Variants in SPOCK1 observed in about 807,000 individuals in gnomAD.
The protein encoded by SPOCK1 is testican-1.
Under a neutral mutation model 55.3 loss-of-function variants are expected in SPOCK1, and 23 were observed. The observed-to-expected ratio is 0.42, with a 90% CI of 0.30 to 0.59. The LOEUF is 0.59. Ranked by LOEUF, SPOCK1 falls within the 20% of genes least tolerant of loss-of-function variation. SPOCK1 has a pLI of 0.22. For missense variants in SPOCK1, 499 were observed against 552.5 expected, an observed-to-expected ratio of 0.90 and a Z score of 0.97; for synonymous variants, 226 against 221.0, an observed-to-expected ratio of 1.02 and a Z score of -0.20.
chr5:137,351,051 T>C (rs2127160893), intron 2 of SPOCK1, among the ~76,000 whole-genome samples: 1 of 152,248 alleles, frequency 6.6e-6, no homozygotes, highest in African/African-American at 2.4e-5. Flanking sequence ...TTCGGCAAAT[T>C]CCACATCTGT....
At chr5:137,006,879 C>G (rs1033203933) in intron 6 of SPOCK1, among the ~76,000 whole-genome samples, 4 of 152,056 alleles carry the variant, frequency 2.6e-5, no homozygotes, top group Admixed American at 6.6e-5. Context: ...CCATCAATAC[C>G]TAGTTTATTG....
chr5:137,268,365 C>T (rs1756897011), intron 2 of SPOCK1, among the ~76,000 whole-genome samples: 1 of 152,180 alleles, frequency 6.6e-6, no homozygotes, highest in African/African-American at 2.4e-5. Flanking sequence ...GCCCACTTTG[C>T]TCCAGCTTTA....
At chr5:137,059,983 C>T (rs990714066) in intron 6 of SPOCK1, among the ~76,000 whole-genome samples, 1 of 152,178 alleles carries the variant, frequency 6.6e-6, no homozygotes, top group Admixed American at 6.5e-5. Context: ...AAAGGGAACA[C>T]TTATATACTG....
intron 3 of SPOCK1, among the ~76,000 whole-genome samples, chr5:137,160,035 G>A (rs1362384182): frequency 4.0e-5 from 6 of 151,876 alleles, no homozygotes; most frequent in Non-Finnish European, 5.9e-5. Context: ...CTTTAGTGGG[G>A]ATTTGTGAGA....
chr5:137,140,045 T>C (rs1754063378), intron 4 of SPOCK1, among the ~76,000 whole-genome samples: 1 of 152,126 alleles, frequency 6.6e-6, no homozygotes. Context: ...GGCTGTACCC[T>C]GAGGAAATAG....
At chr5:137,233,540 T>C (rs190498084) in intron 3 of SPOCK1, among the ~76,000 whole-genome samples, 2 of 152,042 alleles carry the variant, frequency 1.3e-5, no homozygotes, top group African/African-American at 4.8e-5. Context: ...CCTCCTGCTG[T>C]GTGACCCTGT....
intron 4 of SPOCK1, among the ~76,000 whole-genome samples, chr5:137,117,255 A>G (rs1459980274): frequency 1.3e-5 from 2 of 152,214 alleles, no homozygotes; most frequent in African/African-American, 2.4e-5. Flanking sequence ...TCAAGTCTAT[A>G]GGACTGGACA....
intron 5 of SPOCK1, among the ~76,000 whole-genome samples, chr5:137,108,971 G>A (rs1373870640): frequency 1.3e-5 from 2 of 152,166 alleles, no homozygotes; most frequent in Admixed American, 1.3e-4. Context: ...TATTTCCCGG[G>A]CAACTGACAG....
chr5:137,449,306 A>G (rs1320073735), intron 2 of SPOCK1, among the ~76,000 whole-genome samples: 1 of 152,260 alleles, frequency 6.6e-6, no homozygotes, highest in Non-Finnish European at 1.5e-5. Flanking sequence ...TACCACCTAC[A>G]CAATAACTTT....
At chr5:137,405,475 C>A (rs1264934962) in intron 2 of SPOCK1, among the ~76,000 whole-genome samples, 2 of 152,154 alleles carry the variant, frequency 1.3e-5, no homozygotes, top group Non-Finnish European at 2.9e-5. Context: ...AAACGAGGGT[C>A]CTCCTGCGGG....
chr5:137,345,954 C>T (rs552275838), intron 2 of SPOCK1, among the ~76,000 whole-genome samples: 19 of 152,320 alleles, frequency 1.2e-4, no homozygotes, highest in African/African-American at 4.3e-4. Flanking sequence ...GCCTCAGACA[C>T]CTGTGTGACA....
At chr5:137,440,588 T>C (rs775528649) in intron 2 of SPOCK1, among the ~76,000 whole-genome samples, 5 of 152,254 alleles carry the variant, frequency 3.3e-5, no homozygotes, top group Non-Finnish European at 5.9e-5. Context: ...TGGGTATAAC[T>C]GTACCTTTGC....
intron 2 of SPOCK1, among the ~76,000 whole-genome samples, chr5:137,450,637 GA>G: frequency 6.6e-6 from 1 of 152,272 alleles, no homozygotes; most frequent in Middle Eastern, 3.4e-3. Flanking sequence ...TCCAGGCCCT[GA>G]AAATTATGTA....
At chr5:137,480,343 A>ACACACT (rs1491303358) in intron 2 of SPOCK1, among the ~76,000 whole-genome samples, 2 of 146,642 alleles carry the variant, frequency 1.4e-5, no homozygotes, top group Admixed American at 6.8e-5. Flanking sequence ...ACACACACAC[A>ACACACT]CTCATTCACT....
chr5:137,467,323 A>G (rs1753641100), intron 2 of SPOCK1, among the ~76,000 whole-genome samples: 2 of 152,238 alleles, frequency 1.3e-5, no homozygotes, highest in Non-Finnish European at 2.9e-5. Context: ...AGGTGAGAAT[A>G]TTTGGGGATG....
At chr5:137,200,355 C>T (rs1318994101) in intron 3 of SPOCK1, among the ~76,000 whole-genome samples, 4 of 152,134 alleles carry the variant, frequency 2.6e-5, no homozygotes, top group South Asian at 4.1e-4. Context: ...AATATCAAAC[C>T]TCCTAAAATG....
intron 2 of SPOCK1, among the ~76,000 whole-genome samples, chr5:137,397,197 G>A (rs764712046): frequency 6.6e-5 from 10 of 152,174 alleles, no homozygotes; most frequent in Non-Finnish European, 8.8e-5. Context: ...TGGGATGCAG[G>A]GAGCTCCATG....
chr5:137,447,336 G>A (rs1444365267), intron 2 of SPOCK1, among the ~76,000 whole-genome samples: 1 of 152,166 alleles, frequency 6.6e-6, no homozygotes, highest in Admixed American at 6.5e-5. Flanking sequence ...GCTACATAAC[G>A]AATGCCCCTG....
chr5:137,486,008 C>T (rs1322759135), intron 2 of SPOCK1, among the ~76,000 whole-genome samples: 14 of 152,200 alleles, frequency 9.2e-5, no homozygotes. Flanking sequence ...CAATGAAACA[C>T]ACTCCCTACC....
Sources: gnomAD v4.1 joint callset for allele counts (sites outside exome capture counted in the v4.1 genomes callset) on GRCh38, gnomAD v4.1.1 for gene constraint, MANE v1.5 for transcripts, NCBI Gene and HGNC (gene_info 2026-07-23, HGNC 2026-07-21) for gene names.